XYLT1: variants seen among roughly 807,000 people sequenced by gnomAD.
The protein encoded by XYLT1 is xylosyltransferase 1.
Under a neutral mutation model 91.3 loss-of-function variants are expected in XYLT1, and 36 were observed. The ratio of observed to expected loss-of-function variants is 0.39; its 90% CI spans 0.30 to 0.52. The LOEUF is 0.52. Among genes scored for constraint, XYLT1 ranks in the 20% least tolerant of loss-of-function variants. The pLI, the probability that XYLT1 is intolerant of heterozygous loss-of-function variation, is 0.68. For synonymous variants in XYLT1, 588 were observed against 532.0 expected (o/e 1.11, Z -1.45); for missense variants, 1,242 against 1,284.5 (o/e 0.97, Z 0.51).
intron 2 of XYLT1, among the ~76,000 whole-genome samples, chr16:17,279,158 G>GC (rs2034020516): frequency 6.6e-6 from 1 of 152,126 alleles, no homozygotes; most frequent in African/African-American, 2.4e-5. Context: ...TCAAGAGGCA[G>GC]CGCGGCTCTG....
At chr16:17,127,583 A>G (rs1364249532) in intron 10 of XYLT1, 83 bp downstream of exon 10, 3 of 1,476,580 alleles carry the variant, frequency 2.0e-6, no homozygotes, top group African/African-American at 1.4e-5. Flanking sequence ...TCCATCTCCA[A>G]CTAGAAGTGT....
At chr16:17,251,762 C>A (rs2033542241) in intron 3 of XYLT1, among the ~76,000 whole-genome samples, 1 of 152,186 alleles carries the variant, frequency 6.6e-6, no homozygotes, top group Non-Finnish European at 1.5e-5. Context: ...GATGCTTTGA[C>A]AATGAAAGGG....
At chr16:17,442,916 A>G (rs1054723421) in intron 1 of XYLT1, among the ~76,000 whole-genome samples, 20 of 152,164 alleles carry the variant, frequency 1.3e-4, no homozygotes, top group African/African-American at 3.9e-4. Flanking sequence ...CATCTCCTAA[A>G]TGTTTCTCGG....
rs991304316 is a variant in XYLT1, at chr16:17,106,020, G to A, written c.*2675C>T. ...ATCAGAGAAGGGAGAGGAATACCCT[G>A]TGTGACTTCTCAGCTCCCCGAATTA... On this transcript the variant is annotated 3_prime_UTR_variant, in exon 12 of 12. Coordinates refer to ENST00000261381, the MANE Select transcript of XYLT1 (RefSeq NM_022166.4). 2.0e-5 allele frequency: 3 copies of A among 152,176 alleles called. No homozygotes were observed. The highest frequency in any genetic ancestry group is 4.1e-4 in the South Asian group (2 of 4,836). 9.4% of individuals were successfully genotyped at this position (152,176 alleles called of 1,614,324 possible). A position where few individuals can be genotyped will look rare whatever the true frequency, so the allele number is the denominator to read the frequency against.
At chr16:17,398,363 A>C (rs2035916776) in intron 1 of XYLT1, among the ~76,000 whole-genome samples, 1 of 152,180 alleles carries the variant, frequency 6.6e-6, no homozygotes. Context: ...ACAACGTAAG[A>C]CCGACTGTGT....
At chr16:17,339,809 A>G (rs2035039145) in intron 2 of XYLT1, among the ~76,000 whole-genome samples, 1 of 152,016 alleles carries the variant, frequency 6.6e-6, no homozygotes, top group South Asian at 2.1e-4. Flanking sequence ...TATTTTATCT[A>G]TCTATCCTTT....
chr16:17,327,644 A>T (rs2034832927), intron 2 of XYLT1, among the ~76,000 whole-genome samples: 1 of 119,744 alleles, frequency 8.4e-6, no homozygotes, highest in African/African-American at 3.1e-5. Flanking sequence ...GGCCTCCCAA[A>T]GTGCTGGGAT....
rs1181699156 is a variant in XYLT1, at chr16:17,454,913, G to GCC, written c.363+15519_363+15520dup. Among the ~76,000 whole-genome samples, 224 of 30,120 alleles carry GCC rather than the reference G, an allele frequency of 7.4e-3. 13 individuals carry two copies. Among genetic ancestry groups the GCC allele is most frequent in the African/African-American group, 0.039 (206 of 5,344 alleles). The allele number at this position is 30,120 out of a possible 152,430, so 19.8% of individuals were successfully genotyped here. A position where few individuals can be genotyped will look rare whatever the true frequency, so the allele number is the denominator to read the frequency against. On this transcript the variant is annotated intron_variant, in intron 1 of 11. Coordinates refer to ENST00000261381, the MANE Select transcript of XYLT1 (RefSeq NM_022166.4). ...AATATCATTCTTTCCTCCCCCCCCC[G>GCC]CCCCCCCCCGCAACTATTTAAAAAC...
chr16:17,151,413 G>C (rs1216195677), intron 6 of XYLT1, among the ~76,000 whole-genome samples: 2 of 152,126 alleles, frequency 1.3e-5, no homozygotes, highest in South Asian at 2.1e-4. Context: ...GCGAGACTCT[G>C]TCTCAAAAAG....
chr16:17,432,215 C>T (rs2036400900), intron 1 of XYLT1, among the ~76,000 whole-genome samples: 1 of 152,148 alleles, frequency 6.6e-6, no homozygotes, highest in South Asian at 2.1e-4. Context: ...AATCCTGCTC[C>T]CAGGAATCTA....
intron 6 of XYLT1, among the ~76,000 whole-genome samples, chr16:17,141,755 G>C (rs2141520929): frequency 6.6e-6 from 1 of 152,248 alleles, no homozygotes; most frequent in African/African-American, 2.4e-5. Flanking sequence ...GCAGACCATG[G>C]ACCCTTGTCT....
Position 17,470,336 on chromosome 16 carries a change from C to G in XYLT1, c.363+98G>C. On this transcript the variant is annotated intron_variant, in intron 1 of 11. Coordinates refer to ENST00000261381, the MANE Select transcript of XYLT1 (RefSeq NM_022166.4). ...TGTGGAGTCGGTAGGCTTGCAGAGT[C>G]CCAGTCTGATGACCGAGTTCAAGGG... is the stretch of plus-strand genomic sequence containing the variant. The G allele has an allele frequency of 3.4e-6, 4 of 1,185,546 alleles. No individual in the cohort carries two copies. In the South Asian group the frequency reaches 1.7e-4, roughly 51 times the overall value. 73.4% of individuals were successfully genotyped at this position (1,185,546 alleles called of 1,614,324 possible). A position where few individuals can be genotyped will look rare whatever the true frequency, so the allele number is the denominator to read the frequency against.
chr16:17,357,580 G>A (rs1322080466), intron 2 of XYLT1, among the ~76,000 whole-genome samples: 1 of 152,202 alleles, frequency 6.6e-6, no homozygotes, highest in Non-Finnish European at 1.5e-5. Context: ...ATGAAAGGGT[G>A]CAACTTCCTT....
intron 8 of XYLT1, among the ~76,000 whole-genome samples, chr16:17,136,956 A>C (rs1794758639): frequency 6.6e-6 from 1 of 152,170 alleles, no homozygotes; most frequent in Non-Finnish European, 1.5e-5. Flanking sequence ...CGATTAGGGC[A>C]GTGAGGGACG....
intron 9 of XYLT1, among the ~76,000 whole-genome samples, chr16:17,130,005 G>A (rs1352627057): frequency 6.6e-6 from 1 of 152,258 alleles, no homozygotes; most frequent in Non-Finnish European, 1.5e-5. Context: ...AGGGCCTCAA[G>A]ATGCCTTGCA....
chr16:17,222,789 C>CAAAAAA (rs11358476), intron 3 of XYLT1, among the ~76,000 whole-genome samples: 2 of 71,206 alleles, frequency 2.8e-5, no homozygotes, highest in African/African-American at 6.0e-5. Context: ...AACTCTGTCT[C>CAAAAAA]AAAAAAAAAA....
intron 3 of XYLT1, among the ~76,000 whole-genome samples, chr16:17,219,280 CAAAAAAAAAA>C (rs369055155): frequency 1.6e-4 from 14 of 85,068 alleles, no homozygotes; most frequent in Non-Finnish European, 6.5e-5. Flanking sequence ...GACTTTGTCT[CAAAAAAAAAA>C]AAAAAAAAAA....
chr16:17,182,881 G>A lies in XYLT1; in HGVS notation c.1289+15331C>T, dbSNP rs78266572. 2.6e-3 allele frequency among the ~76,000 whole-genome samples: 400 copies of A among 152,256 alleles called. 1 individual carries two copies. Among genetic ancestry groups the A allele is most frequent in the African/African-American group, 8.5e-3 (355 of 41,536 alleles). The stretch of plus-strand genomic sequence containing the variant: ...GAAGGTTGGGGTTGTTCTTGCTAAC[G>A]CAGGACAGATGGTTCCTAGGTCTAT... On this transcript the variant is annotated intron_variant, in intron 5 of 11. Transcript: ENST00000261381.
intron 2 of XYLT1, among the ~76,000 whole-genome samples, chr16:17,273,152 T>C (rs569763443): frequency 2.0e-5 from 3 of 152,374 alleles, no homozygotes; most frequent in Admixed American, 2.0e-4. Flanking sequence ...GATTTACATA[T>C]GATACAACAT....
Sources: allele counts gnomAD v4.1 joint callset (sites outside exome capture counted in the v4.1 genomes callset), GRCh38; gene constraint gnomAD v4.1.1; transcripts MANE v1.5; gene names NCBI Gene and HGNC (gene_info 2026-07-23, HGNC 2026-07-21).